KSR2: variants seen among roughly 807,000 people sequenced by gnomAD.
KSR2 encodes kinase suppressor of ras 2.
A neutral mutation model predicts 107.8 loss-of-function variants in KSR2; 25 were observed. The ratio of observed to expected loss-of-function variants is 0.23; its 90% CI spans 0.17 to 0.32. The LOEUF (loss-of-function observed/expected upper bound fraction) is 0.32. KSR2 is among the 10% of genes least tolerant of loss of function. The pLI is 1.00. For synonymous variants in KSR2, 480 were observed against 507.0 expected (o/e 0.95, Z 0.71); for missense variants, 887 against 1,268.9 (o/e 0.70, Z 4.57).
chr12:117,650,688 C>T (rs777375393), intron 5 of KSR2, among the ~76,000 whole-genome samples: 32 of 152,124 alleles, frequency 2.1e-4, no homozygotes, highest in Admixed American at 3.3e-4. Flanking sequence ...AGTTTAGTGA[C>T]GCTATACATA....
At chr12:117,638,594 A>G (rs1883214930) in intron 5 of KSR2, among the ~76,000 whole-genome samples, 1 of 152,150 alleles carries the variant, frequency 6.6e-6, no homozygotes, top group Non-Finnish European at 1.5e-5. Flanking sequence ...ATTAAAAGAT[A>G]TACTATTTAG....
chr12:117,819,225 G>A (rs896711276), intron 3 of KSR2, among the ~76,000 whole-genome samples: 1 of 152,200 alleles, frequency 6.6e-6, no homozygotes, highest in African/African-American at 2.4e-5. Flanking sequence ...GCTAGCTGTG[G>A]AAGGGGACTG....
intron 17 of KSR2, among the ~76,000 whole-genome samples, chr12:117,472,833 C>T (rs908659098): frequency 2.0e-5 from 3 of 152,160 alleles, no homozygotes; most frequent in Non-Finnish European, 4.4e-5. Context: ...GGAGGGAGGT[C>T]TATTCATCAT....
rs114351512 is a variant in KSR2 at position 117,561,847 on chromosome 12, G to T, written c.1326-3274C>A. Reference sequence around the variant, plus strand: ...CAGCCCCCATGGGAAAGCTCATGATGCTTCAAAGCCCTGATGCAGAGCTCT... The same window carrying T: ...CAGCCCCCATGGGAAAGCTCATGATTCTTCAAAGCCCTGATGCAGAGCTCT... On this transcript the variant is annotated intron_variant, in intron 7 of 19. Coordinates refer to ENST00000339824, the MANE Select transcript of KSR2 (RefSeq NM_173598.6). Among the ~76,000 whole-genome samples, 140 of 152,302 alleles carry T rather than the reference G, an allele frequency of 9.2e-4. 1 individual carries two copies. Among genetic ancestry groups the T allele is most frequent in the Middle Eastern group, 3.4e-3 (1 of 294 alleles).
intron 4 of KSR2, among the ~76,000 whole-genome samples, chr12:117,709,918 C>T (rs924267424): frequency 1.3e-5 from 2 of 152,154 alleles, no homozygotes; most frequent in African/African-American, 4.8e-5. Context: ...TTGAGAACCA[C>T]TGGACTATGG....
intron 7 of KSR2, among the ~76,000 whole-genome samples, chr12:117,566,035 G>T (rs1208012311): frequency 6.6e-6 from 1 of 152,060 alleles, no homozygotes; most frequent in Admixed American, 6.5e-5. Flanking sequence ...TCGTGCCACG[G>T]GGATTTGTTG....
chr12:117,514,544 CTTT>C (rs55927845), intron 14 of KSR2, among the ~76,000 whole-genome samples: 9 of 130,054 alleles, frequency 6.9e-5, no homozygotes, highest in Admixed American at 1.6e-4. Context: ...CTCTCTCTCT[CTTT>C]TTTTTTTTTT....
intron 9 of KSR2, among the ~76,000 whole-genome samples, chr12:117,542,311 G>C (rs1037849174): frequency 6.6e-6 from 1 of 152,122 alleles, no homozygotes. Flanking sequence ...ATCAATAAAT[G>C]GTAGTAGCTA....
intron 1 of KSR2, among the ~76,000 whole-genome samples, chr12:117,966,621 A>ACACACACACT (rs1555262167): frequency 3.0e-4 from 39 of 128,714 alleles, no homozygotes; most frequent in South Asian, 8.3e-4. Flanking sequence ...TCACACGCGC[A>ACACACACACT]CGCACACACA....
rs186332039 is a variant in KSR2, at chr12:117,687,670, G to A, written c.987-20012C>T. Among the ~76,000 whole-genome samples, 49 of 152,146 alleles carry A rather than the reference G, an allele frequency of 3.2e-4. No individual in the cohort carries two copies. In the East Asian group the frequency reaches 6.6e-3, roughly 20 times the overall value. ...TCTAGCATTCACCCCACTCCACCTC[G>A]GGGAATTCTCTCTCCTACTCTGTGC... On this transcript the variant is annotated intron_variant, in intron 4 of 19. Coordinates refer to ENST00000339824, the MANE Select transcript of KSR2 (RefSeq NM_173598.6).
At chr12:117,701,914 T>C (rs1315408833) in intron 4 of KSR2, among the ~76,000 whole-genome samples, 1 of 152,076 alleles carries the variant, frequency 6.6e-6, no homozygotes, top group Admixed American at 6.5e-5. Flanking sequence ...TCTCCAGAAC[T>C]AAAAAAGAAA....
intron 1 of KSR2, among the ~76,000 whole-genome samples, chr12:117,884,415 G>C (rs765019961): frequency 4.6e-5 from 7 of 152,218 alleles, no homozygotes; most frequent in Non-Finnish European, 8.8e-5. Context: ...GCATCAGAGA[G>C]GCAAAATCCT....
intron 9 of KSR2, among the ~76,000 whole-genome samples, chr12:117,546,213 G>T (rs894841917): frequency 2.0e-5 from 3 of 152,054 alleles, no homozygotes; most frequent in African/African-American, 7.2e-5. Flanking sequence ...TTCTCTTTCA[G>T]TTTTGAAGAA....
chr12:117,800,516 A>G, intron 3 of KSR2, among the ~76,000 whole-genome samples: 1 of 152,208 alleles, frequency 6.6e-6, no homozygotes, highest in East Asian at 1.9e-4. Flanking sequence ...CCAATAGGAT[A>G]GTGTATTAGT....
rs1226318109 is a variant in KSR2 at position 117,855,447 on chromosome 12, G to A, written c.453C>T (p.Leu151=). Residue 151 remains leucine (L), a synonymous_variant, in exon 3 of 20, where the codon CTC becomes CTT. Transcript: ENST00000339824. ...CARLNASLSC[L]RNVHMSGGNL... ...GCTCACCTGACATGTGGACATTCCT[G>A]AGGCAGGAGAGGGAGGCGTTGAGGC... is the stretch of plus-strand genomic sequence containing the variant. The A allele has an allele frequency of 5.0e-6, 8 of 1,613,924 alleles. No individual in the cohort carries two copies. In the South Asian group the frequency reaches 5.5e-5, roughly 11 times the overall value.
chr12:117,698,131 C>G (rs975456821), intron 4 of KSR2, among the ~76,000 whole-genome samples: 1 of 152,128 alleles, frequency 6.6e-6, no homozygotes, highest in African/African-American at 2.4e-5. Flanking sequence ...AGGAATCAAC[C>G]CTGCTCCCAC....
chr12:117,660,842 T>C (rs1884403798), intron 5 of KSR2, among the ~76,000 whole-genome samples: 1 of 152,234 alleles, frequency 6.6e-6, no homozygotes, highest in Non-Finnish European at 1.5e-5. Context: ...CTTTATCTTC[T>C]GTGTCAGTTT....
intron 4 of KSR2, among the ~76,000 whole-genome samples, chr12:117,678,298 C>T (rs1885226083): frequency 6.6e-6 from 1 of 152,024 alleles, no homozygotes; most frequent in Non-Finnish European, 1.5e-5. Flanking sequence ...CCCAGGCTCT[C>T]ACAGCTACAT....
rs78501129 is a variant in KSR2, at chr12:117,550,334, C to T, written c.1518+4835G>A. ...AGCACGTTCATCACCCAGGTTTCCA[C>T]TTCAGCCAGCTGAGCACTGATTTGG... On this transcript the variant is annotated intron_variant, in intron 9 of 19. Coordinates refer to ENST00000339824, the MANE Select transcript of KSR2 (RefSeq NM_173598.6). 1.3e-4 allele frequency among the ~76,000 whole-genome samples: 20 copies of T among 152,356 alleles called. No homozygotes were observed. In the East Asian group the frequency reaches 3.7e-3, roughly 28 times the overall value.
Sources: allele counts gnomAD v4.1 joint callset (sites outside exome capture counted in the v4.1 genomes callset), GRCh38; gene constraint gnomAD v4.1.1; transcripts MANE v1.5; gene names NCBI Gene and HGNC (gene_info 2026-07-23, HGNC 2026-07-21).